The following ANGPT1 variants were observed in gnomAD, a reference collection of about 807,000 sequenced individuals.
The protein encoded by ANGPT1 is angiopoietin-1.
Under a neutral mutation model 62.2 loss-of-function variants are expected in ANGPT1, and 17 were observed. The ratio of observed to expected loss-of-function variants is 0.27; its 90% CI spans 0.19 to 0.41. ANGPT1 has a LOEUF of 0.41. Ranked by LOEUF, ANGPT1 falls within the 10% of genes least tolerant of loss-of-function variation. ANGPT1 has a pLI of 1.00. For missense variants in ANGPT1, 478 were observed against 594.9 expected, an observed-to-expected ratio of 0.80 and a Z score of 2.04; for synonymous variants, 199 against 198.9, an observed-to-expected ratio of 1.00 and a Z score of 0.00.
intron 1 of ANGPT1, among the ~76,000 whole-genome samples, chr8:107,453,883 G>A (rs547463904): frequency 3.0e-4 from 45 of 151,524 alleles, no homozygotes; most frequent in Admixed American, 2.5e-3. Context: ...ATCTTGAAAC[G>A]CCATTTATAG....
chr8:107,307,796 T>G (rs1417174390), intron 4 of ANGPT1, among the ~76,000 whole-genome samples: 1 of 152,146 alleles, frequency 6.6e-6, no homozygotes, highest in African/African-American at 2.4e-5. Flanking sequence ...CACAGGCACT[T>G]TTTAACACTG....
chr8:107,392,639 G>T (rs1816857368), intron 1 of ANGPT1, among the ~76,000 whole-genome samples: 1 of 151,740 alleles, frequency 6.6e-6, no homozygotes, highest in African/African-American at 2.4e-5. Context: ...TATCTATATT[G>T]GATATATGTG....
chr8:107,279,871 C>T lies in ANGPT1; in HGVS notation c.1205+4811G>A, dbSNP rs986191634. Among the ~76,000 whole-genome samples, 6 of 151,972 alleles carry T rather than the reference C, an allele frequency of 3.9e-5. No homozygotes were observed. In the East Asian group the frequency reaches 5.8e-4, roughly 15 times the overall value. On this transcript the variant is annotated intron_variant, in intron 7 of 8. Transcript: ENST00000517746. ...TCCTGGATAGTTATCCAGAGTGCTACGGGTCAATGGGAGCACAGAGTATCC... is the reference window on the plus strand; with the variant it reads ...TCCTGGATAGTTATCCAGAGTGCTATGGGTCAATGGGAGCACAGAGTATCC...
intron 1 of ANGPT1, among the ~76,000 whole-genome samples, chr8:107,366,856 C>G (rs1030857879): frequency 6.6e-6 from 1 of 151,046 alleles, no homozygotes; most frequent in African/African-American, 2.5e-5. Flanking sequence ...ACTACAGGTT[C>G]TATTTGCATT....
At chr8:107,378,194 G>A (rs1816565887) in intron 1 of ANGPT1, among the ~76,000 whole-genome samples, 2 of 152,132 alleles carry the variant, frequency 1.3e-5, no homozygotes, top group South Asian at 4.1e-4. Flanking sequence ...TTTAAAAATG[G>A]TGAAGGGAGT....
intron 1 of ANGPT1, among the ~76,000 whole-genome samples, chr8:107,423,630 C>G (rs1810954218): frequency 6.6e-6 from 1 of 152,142 alleles, no homozygotes; most frequent in East Asian, 1.9e-4. Context: ...ACAAATCTCT[C>G]TCTGTCTCAG....
chr8:107,323,925 G>A (rs564828194), intron 3 of ANGPT1, among the ~76,000 whole-genome samples: 3 of 151,928 alleles, frequency 2.0e-5, no homozygotes, highest in South Asian at 2.1e-4. Context: ...GACTACAGGC[G>A]CCTGCCACCA....
chr8:107,463,563 G>A (rs1214137833), intron 1 of ANGPT1, among the ~76,000 whole-genome samples: 1 of 152,058 alleles, frequency 6.6e-6, no homozygotes, highest in Non-Finnish European at 1.5e-5. Context: ...TAACACAACA[G>A]TCTGTGAGTA....
rs565330812 is a variant in ANGPT1 at position 107,302,970 on chromosome 8, G to T, written c.936+270C>A. ...TGACCTCAACATGTAATCTGTACAA[G>T]GCAAACATGTATGAGCAAGGGGACA... On this transcript the variant is annotated intron_variant, in intron 5 of 8. Transcript: ENST00000517746. 2.0e-5 allele frequency among the ~76,000 whole-genome samples: 3 copies of T among 151,782 alleles called. No homozygotes were observed. The South Asian group carries it at 6.2e-4, about 32-fold the overall frequency.
chr8:107,286,202 G>T (rs894336487), intron 6 of ANGPT1, among the ~76,000 whole-genome samples: 13 of 151,906 alleles, frequency 8.6e-5, no homozygotes, highest in Middle Eastern at 3.2e-3. Flanking sequence ...AAAGGTGTTT[G>T]GTACCAAACC....
chr8:107,352,094 T>C (rs1203515988), intron 1 of ANGPT1, among the ~76,000 whole-genome samples: 1 of 152,172 alleles, frequency 6.6e-6, no homozygotes, highest in Non-Finnish European at 1.5e-5. Flanking sequence ...TGCTCCATTC[T>C]GAAGGAATGT....
At chr8:107,265,363 T>C (rs1245692054) in intron 7 of ANGPT1, among the ~76,000 whole-genome samples, 1 of 152,220 alleles carries the variant, frequency 6.6e-6, no homozygotes. Context: ...TTGTCAAATG[T>C]AGTGACCTGT....
intron 1 of ANGPT1, among the ~76,000 whole-genome samples, chr8:107,476,114 T>G (rs1179705344): frequency 6.6e-6 from 1 of 152,216 alleles, no homozygotes; most frequent in Non-Finnish European, 1.5e-5. Flanking sequence ...TAAATCATGC[T>G]GCTATAAAGA....
In ANGPT1 at chr8:107,391,831, A is replaced by G. The variant is rs2130305041; in HGVS notation, c.298-44734T>C. ...GTTAGTACACTGAATATGGTAGGCA[A>G]TTGTAACATAGTGGTGTGAATTTGT... is the stretch of plus-strand genomic sequence containing the variant. On this transcript the variant is annotated intron_variant, in intron 1 of 8. Coordinates refer to ENST00000517746, the MANE Select transcript of ANGPT1 (RefSeq NM_001146.5). 2.6e-5 allele frequency among the ~76,000 whole-genome samples: 4 copies of G among 152,310 alleles called. No individual in the cohort carries two copies. The South Asian group carries it at 8.3e-4, about 32-fold the overall frequency.
At chr8:107,428,238 T>C (rs1357258014) in intron 1 of ANGPT1, among the ~76,000 whole-genome samples, 1 of 152,202 alleles carries the variant, frequency 6.6e-6, no homozygotes, top group Non-Finnish European at 1.5e-5. Context: ...TATGTTTCCA[T>C]CTATTACCCA....
intron 1 of ANGPT1, among the ~76,000 whole-genome samples, chr8:107,387,035 C>T (rs1816744593): frequency 6.6e-6 from 1 of 152,024 alleles, no homozygotes. Flanking sequence ...TTTAATAATT[C>T]TTAGTTTAGT....
intron 4 of ANGPT1, among the ~76,000 whole-genome samples, chr8:107,321,010 C>A (rs1815137638): frequency 6.6e-6 from 1 of 152,088 alleles, no homozygotes; most frequent in Admixed American, 6.5e-5. Flanking sequence ...TTTCACTCAT[C>A]ACCATTTACA....
At chr8:107,477,267 G>C (rs886450594) in intron 1 of ANGPT1, among the ~76,000 whole-genome samples, 4 of 152,134 alleles carry the variant, frequency 2.6e-5, no homozygotes, top group African/African-American at 7.2e-5. Context: ...ATGGAGGATG[G>C]AGCGGGAGAG....
chr8:107,410,484 G>T (rs1817246067), intron 1 of ANGPT1, among the ~76,000 whole-genome samples: 1 of 152,148 alleles, frequency 6.6e-6, no homozygotes, highest in Non-Finnish European at 1.5e-5. Flanking sequence ...TCAAAAACTT[G>T]TGTTTTCTAA....
Sources: gnomAD v4.1 joint callset for allele counts (sites outside exome capture counted in the v4.1 genomes callset) on GRCh38, gnomAD v4.1.1 for gene constraint, MANE v1.5 for transcripts, NCBI Gene and HGNC (gene_info 2026-07-23, HGNC 2026-07-21) for gene names.